The following GALNTL6 variants were observed in gnomAD, a reference collection of about 807,000 sequenced individuals.
GALNTL6 encodes the protein polypeptide N-acetylgalactosaminyltransferase-like 6.
A neutral mutation model predicts 73.7 loss-of-function variants in GALNTL6; 46 were observed. The observed-to-expected ratio is 0.62, with a 90% CI of 0.49 to 0.80. The LOEUF (loss-of-function observed/expected upper bound fraction) is 0.80, where lower values mean the gene tolerates loss of function less well. GALNTL6 is among the 30% of genes least tolerant of loss of function. GALNTL6 has a pLI of 0.00. For synonymous variants in GALNTL6, 259 were observed against 263.7 expected, an observed-to-expected ratio of 0.98 and a Z score of 0.17; for missense variants, 604 against 755.0, an observed-to-expected ratio of 0.80 and a Z score of 2.34.
chr4:171,892,700 T>C (rs935039909), intron 2 of GALNTL6, among the ~76,000 whole-genome samples: 4 of 152,114 alleles, frequency 2.6e-5, no homozygotes, highest in African/African-American at 9.7e-5. Context: ...TAGCTGTCAC[T>C]ACACTTTATG....
At position 171,899,417 on chromosome 4, in the gene GALNTL6, A is replaced by G. The variant is rs568530117; in HGVS notation, c.138+84699A>G. ...TTTTTATCAAATCAGCTCTGAGTCT[A>G]GAAATAAAATTAGAAAACTAATAAA... is the stretch of plus-strand genomic sequence containing the variant. On this transcript the variant is annotated intron_variant, in intron 2 of 12. Transcript: ENST00000506823. Among the ~76,000 whole-genome samples the G allele has an allele frequency of 1.4e-3, 209 of 152,270 alleles. 1 individual carries two copies. The highest frequency in any genetic ancestry group is 4.8e-3 in the African/African-American group (199 of 41,580).
At chr4:172,153,242 T>A (rs1328327843) in intron 2 of GALNTL6, among the ~76,000 whole-genome samples, 1 of 152,152 alleles carries the variant, frequency 6.6e-6, no homozygotes, top group African/African-American at 2.4e-5. Context: ...GGGCTTACTG[T>A]TTTACCTCAT....
chr4:172,221,156 C>G (rs1291476890), intron 2 of GALNTL6, among the ~76,000 whole-genome samples: 1 of 151,854 alleles, frequency 6.6e-6, no homozygotes, highest in South Asian at 2.1e-4. Flanking sequence ...CACTATCACC[C>G]TTGTTGTGAA....
At chr4:172,725,010 C>T (rs1162577781) in intron 5 of GALNTL6, among the ~76,000 whole-genome samples, 3 of 152,094 alleles carry the variant, frequency 2.0e-5, no homozygotes, top group African/African-American at 7.2e-5. Flanking sequence ...CTTCGTCTCC[C>T]CCAACAGCCA....
chr4:172,168,609 T>C (rs2110813460), intron 2 of GALNTL6, among the ~76,000 whole-genome samples: 1 of 151,986 alleles, frequency 6.6e-6, no homozygotes, highest in South Asian at 2.1e-4. Flanking sequence ...GTGGTGGTGG[T>C]AACAATGGCG....
chr4:172,941,168 C>T (rs1271750857), intron 9 of GALNTL6, among the ~76,000 whole-genome samples: 2 of 152,130 alleles, frequency 1.3e-5, no homozygotes, highest in African/African-American at 4.8e-5. Context: ...CTGATGCTTT[C>T]CATTGTGCAA....
At chr4:172,285,898 A>AGTC (rs1579333528) in intron 3 of GALNTL6, among the ~76,000 whole-genome samples, 1 of 152,308 alleles carries the variant, frequency 6.6e-6, no homozygotes, top group East Asian at 1.9e-4. Context: ...CATTTGTCAA[A>AGTC]GTCCCTGAGG....
At chr4:172,140,557 C>T (rs1733773156) in intron 2 of GALNTL6, among the ~76,000 whole-genome samples, 1 of 152,006 alleles carries the variant, frequency 6.6e-6, no homozygotes, top group Admixed American at 6.5e-5. Context: ...CACACAAGAA[C>T]ATTGAACTGA....
intron 5 of GALNTL6, among the ~76,000 whole-genome samples, chr4:172,461,379 T>G (rs1308089005): frequency 6.6e-6 from 1 of 152,038 alleles, no homozygotes; most frequent in Non-Finnish European, 1.5e-5. Flanking sequence ...AAAAGATTTT[T>G]TTTCTCATAA....
chr4:172,938,563 A>T (rs1748746687), intron 9 of GALNTL6, among the ~76,000 whole-genome samples: 1 of 152,350 alleles, frequency 6.6e-6, no homozygotes, highest in Admixed American at 6.5e-5. Flanking sequence ...GTGGTGATGA[A>T]TGGGAAATCT....
intron 5 of GALNTL6, among the ~76,000 whole-genome samples, chr4:172,603,816 A>G (rs991295361): frequency 2.0e-5 from 3 of 152,130 alleles, no homozygotes; most frequent in African/African-American, 7.2e-5. Flanking sequence ...ATCTCTTTCT[A>G]ATTAGCACAC....
chr4:172,095,719 A>C (rs1460111911), intron 2 of GALNTL6, among the ~76,000 whole-genome samples: 1 of 152,162 alleles, frequency 6.6e-6, no homozygotes, highest in Non-Finnish European at 1.5e-5. Flanking sequence ...TAAAGGGCTT[A>C]TTGCAATCAC....
chr4:171,879,450 C>T (rs1280274591), intron 2 of GALNTL6, among the ~76,000 whole-genome samples: 5 of 151,872 alleles, frequency 3.3e-5, no homozygotes, highest in African/African-American at 7.3e-5. Flanking sequence ...AAGTAGAAGA[C>T]GGCATTAAAA....
At chr4:172,351,219 CT>C (rs1156876729) in intron 5 of GALNTL6, among the ~76,000 whole-genome samples, 1 of 151,618 alleles carries the variant, frequency 6.6e-6, no homozygotes, top group Non-Finnish European at 1.5e-5. Context: ...ATCTATCTAT[CT>C]ATCTATCTAC....
At chr4:172,428,917 G>A (rs551458694) in intron 5 of GALNTL6, among the ~76,000 whole-genome samples, 1 of 152,140 alleles carries the variant, frequency 6.6e-6, no homozygotes, top group East Asian at 1.9e-4. Context: ...CCATAAAATG[G>A]ATGGCTCATA....
At chr4:173,031,765 C>T (rs535514102) in intron 12 of GALNTL6, among the ~76,000 whole-genome samples, 12 of 152,152 alleles carry the variant, frequency 7.9e-5, no homozygotes, top group South Asian at 2.1e-4. Flanking sequence ...TATGGATAGA[C>T]GGAAACAAGG....
At chr4:172,148,032 C>T (rs192858805) in intron 2 of GALNTL6, among the ~76,000 whole-genome samples, 1 of 152,054 alleles carries the variant, frequency 6.6e-6, no homozygotes, top group African/African-American at 2.4e-5. Context: ...AATGTATGAT[C>T]AACTAAAGGA....
At chr4:172,569,934 G>A (rs541686742) in intron 5 of GALNTL6, among the ~76,000 whole-genome samples, 4 of 152,302 alleles carry the variant, frequency 2.6e-5, no homozygotes, top group East Asian at 1.9e-4. Context: ...GACGTAGTAC[G>A]ACAGATGCCA....
At chr4:172,477,302 C>T (rs1169845314) in intron 5 of GALNTL6, among the ~76,000 whole-genome samples, 1 of 151,346 alleles carries the variant, frequency 6.6e-6, no homozygotes, top group Admixed American at 6.6e-5. Flanking sequence ...ATTGACAGAC[C>T]TGCCTATCTA....
Sources: allele counts gnomAD v4.1 joint callset (sites outside exome capture counted in the v4.1 genomes callset), GRCh38; gene constraint gnomAD v4.1.1; transcripts MANE v1.5; gene names NCBI Gene and HGNC (gene_info 2026-07-23, HGNC 2026-07-21).